Variants in ZNF805 observed in about 807,000 individuals in gnomAD.
ZNF805 encodes the protein CTC-444N24.8.
In ZNF805, 7 loss-of-function variants were observed where a neutral mutation model predicts 13.6. The observed-to-expected ratio is 0.51, with a 90% CI of 0.29 to 0.97. ZNF805 has a LOEUF of 0.97. Among genes scored for constraint, ZNF805 ranks in the 50% least tolerant of loss-of-function variants. ZNF805 has a pLI of 0.08. For synonymous variants in ZNF805, 293 were observed against 279.8 expected, an observed-to-expected ratio of 1.05 and a Z score of -0.47; for missense variants, 604 against 771.0, an observed-to-expected ratio of 0.78 and a Z score of 2.57.
intron 3 of ZNF805, among the ~76,000 whole-genome samples, chr19:57,251,854 C>T (rs996433316): frequency 3.3e-5 from 5 of 152,156 alleles, no homozygotes; most frequent in Admixed American, 2.0e-4. Flanking sequence ...GCTCTAATTC[C>T]TTAGTAGTCT....
At position 57,240,926 on chromosome 19, in the gene ZNF805, G is replaced by C; in HGVS notation, c.30+5G>C. On this transcript the variant is annotated splice_donor_5th_base_variant and intron_variant, in intron 1 of 3. Coordinates refer to ENST00000414468, the MANE Select transcript of ZNF805 (RefSeq NM_001023563.4). The stretch of plus-strand genomic sequence containing the variant: ...GCTTTGACGGACCCGGCGCAGGTGA[G>C]TGGACAAGGTTTCGGCCTTGCTGCT... 1 of 1,559,828 alleles carries C rather than the reference G, an allele frequency of 6.4e-7. No individual in the cohort carries two copies. Among genetic ancestry groups the C allele is most frequent in the Non-Finnish European group, 8.7e-7 (1 of 1,152,238 alleles).
Position 57,254,590 on chromosome 19 carries a change from G to A in ZNF805, c.1771G>A (p.Gly591Arg). The A allele has an allele frequency of 6.2e-7, 1 of 1,614,048 alleles. No homozygotes were observed. Among genetic ancestry groups the A allele is most frequent in the Non-Finnish European group, 8.5e-7 (1 of 1,179,998 alleles). Residue 591 changes from glycine to arginine, a missense_variant, in exon 4 of 4, where the codon GGG (glycine) becomes AGG (arginine). By Grantham distance (125) the Gly-to-Arg change is moderately radical. This residue lies in a region of ZNF805 where 228 missense variants were observed against 352.8 expected (regional missense o/e 0.65). Coordinates refer to ENST00000414468, the MANE Select transcript of ZNF805 (RefSeq NM_001023563.4). ...AGTCAACATCCAAGAACTTTTATTG[G>A]GGAAAAACTTTTTGAATGTCACCAC... ...TSVNIQELLL[G>R]KNFLNVTTEE...
At position 57,258,965 on chromosome 19, in the gene ZNF805, C is replaced by T. The variant is rs2087707107; in HGVS notation, c.*4262C>T. 6.6e-6 allele frequency among the ~76,000 whole-genome samples: 1 copy of T among 152,304 alleles called. No individual in the cohort carries two copies. The highest frequency in any genetic ancestry group is 1.5e-5 in the Non-Finnish European group (1 of 68,022). On this transcript the variant is annotated 3_prime_UTR_variant, in exon 4 of 4. Coordinates refer to ENST00000414468, the MANE Select transcript of ZNF805 (RefSeq NM_001023563.4). ...TTTAGGGTCTGCAGTTCTTTTAGTA[C>T]TTGAGAAACATGTTTGTTCCTTCTG...
rs893425453 is a variant in ZNF805, at chr19:57,254,587, T to C, written c.1768T>C (p.Leu590=). The C allele has an allele frequency of 2.2e-5, 35 of 1,614,036 alleles. No individual in the cohort carries two copies. Among genetic ancestry groups the C allele is most frequent in the Middle Eastern group, 1.6e-4 (1 of 6,084 alleles). The change falls in exon 4 of 4, where the codon TTG becomes CTG. Residue 590 remains leucine, a synonymous_variant. Coordinates refer to ENST00000414468, the MANE Select transcript of ZNF805 (RefSeq NM_001023563.4). ...QTSVNIQELL[L]GKNFLNVTTE... is the part of the protein sequence containing the mutation. ...CTCAGTCAACATCCAAGAACTTTTATTGGGGAAAAACTTTTTGAATGTCAC... is the reference window on the plus strand; with the variant it reads ...CTCAGTCAACATCCAAGAACTTTTACTGGGGAAAAACTTTTTGAATGTCAC...
chr19:57,245,537 TG>T (rs1201656925), intron 2 of ZNF805, among the ~76,000 whole-genome samples: 1 of 151,492 alleles, frequency 6.6e-6, no homozygotes, highest in Non-Finnish European at 1.5e-5. Flanking sequence ...CCCAGCACTT[TG>T]GGAGGCCGAG....
chr19:57,241,407 A>G (rs2087579178), intron 1 of ZNF805, among the ~76,000 whole-genome samples: 1 of 152,040 alleles, frequency 6.6e-6, no homozygotes, highest in Non-Finnish European at 1.5e-5. Context: ...CTAACCAATC[A>G]CATACGATGC....
rs2087700782 is a variant in ZNF805, at chr19:57,258,189, G to A, written c.*3486G>A. The stretch of plus-strand genomic sequence containing the variant: ...AGCTAATTTTTATATTTTTAGTAGA[G>A]ACGGGGTTTCATCATGTTGGTCAGG... On this transcript the variant is annotated 3_prime_UTR_variant, in exon 4 of 4. Transcript: ENST00000414468. Among the ~76,000 whole-genome samples, 3 of 151,268 alleles carry A rather than the reference G, an allele frequency of 2.0e-5. No individual in the cohort carries two copies. The highest frequency in any genetic ancestry group is 7.3e-5 in the African/African-American group (3 of 41,144).
intron 3 of ZNF805, among the ~76,000 whole-genome samples, chr19:57,250,216 C>G (rs1252146967): frequency 6.6e-6 from 1 of 152,198 alleles, no homozygotes; most frequent in Non-Finnish European, 1.5e-5. Context: ...TCTATCACCT[C>G]CATGAGACCT....
chr19:57,256,698 A>G lies in ZNF805; in HGVS notation c.*1995A>G, dbSNP rs4801452. ...TGATATTGGAAATGTATCACTTATT[A>G]TTGTCAGTCTTTGTAGACATATGTC... On this transcript the variant is annotated 3_prime_UTR_variant, in exon 4 of 4. Coordinates refer to ENST00000414468, the MANE Select transcript of ZNF805 (RefSeq NM_001023563.4). Among the ~76,000 whole-genome samples the G allele has an allele frequency of 0.44, 66,480 of 151,904 alleles. 15,774 individuals are homozygous for G. The highest frequency in any genetic ancestry group is 0.53 in the Non-Finnish European group (35,771 of 67,870).
chr19:57,251,884 G>A (rs902114907), intron 3 of ZNF805, among the ~76,000 whole-genome samples: 3 of 152,132 alleles, frequency 2.0e-5, no homozygotes, highest in African/African-American at 4.8e-5. Context: ...GAGGTGCTGT[G>A]CCTCTTTGCC....
At position 57,254,428 on chromosome 19, in the gene ZNF805, A is replaced by AAGCC; in HGVS notation, c.1610_1613dup (p.Tyr539AlafsTer3). The AAGCC allele has an allele frequency of 6.2e-7, 1 of 1,614,236 alleles. No homozygotes were observed. The highest frequency in any genetic ancestry group is 8.5e-7 in the Non-Finnish European group (1 of 1,180,032). On this transcript the variant is annotated frameshift_variant, in exon 4 of 4. Transcript: ENST00000414468. LOFTEE classifies it low-confidence loss of function (END_TRUNC). ...ACACTCTATCATCCACACTGGAGAG[A>AAGCC]AGCCGTATGAGTGCAGTGAATGTGG...
rs925331333 is a variant in ZNF805, at chr19:57,259,344, C to T, written c.*4641C>T. On this transcript the variant is annotated 3_prime_UTR_variant, in exon 4 of 4. Transcript: ENST00000414468. ...TTCATGTTTACCCCCTTTTTCTGGTCTATTTTTCCCTTTTTTTCATATTGG... is the reference window on the plus strand; with the variant it reads ...TTCATGTTTACCCCCTTTTTCTGGTTTATTTTTCCCTTTTTTTCATATTGG... Among the ~76,000 whole-genome samples the T allele has an allele frequency of 6.6e-6, 1 of 151,772 alleles. No individual in the cohort carries two copies. Among genetic ancestry groups the T allele is most frequent in the East Asian group, 1.9e-4 (1 of 5,154 alleles).
intron 2 of ZNF805, among the ~76,000 whole-genome samples, chr19:57,247,535 C>T (rs981685360): frequency 6.6e-6 from 1 of 152,214 alleles, no homozygotes; most frequent in African/African-American, 2.4e-5. Flanking sequence ...TAACCATATT[C>T]GCATCCCAGG....
At chr19:57,242,473 G>A (rs908796336) in intron 1 of ZNF805, among the ~76,000 whole-genome samples, 2 of 152,206 alleles carry the variant, frequency 1.3e-5, no homozygotes, top group African/African-American at 4.8e-5. Context: ...TTGGATGTTC[G>A]TCCTGCCTTC....
chr19:57,245,554 C>A (rs559624457), intron 2 of ZNF805, among the ~76,000 whole-genome samples: 33 of 150,746 alleles, frequency 2.2e-4, no homozygotes, highest in Non-Finnish European at 4.1e-4. Flanking sequence ...CCGAGATGGG[C>A]GGATCACAAG....
At chr19:57,240,944 T>C (rs550158374) in intron 1 of ZNF805, 23 bp downstream of exon 1, 519 of 1,557,602 alleles carry the variant, frequency 3.3e-4, no homozygotes, top group Admixed American at 1.2e-3. Context: ...GGTTTCGGCC[T>C]TGCTGCTTTT....
chr19:57,244,748 GT>G (rs1348037392), intron 2 of ZNF805, among the ~76,000 whole-genome samples: 1 of 152,150 alleles, frequency 6.6e-6, no homozygotes, highest in African/African-American at 2.4e-5. Context: ...ACTCTGTATG[GT>G]TTTTTCTGCC....
Position 57,250,821 on chromosome 19 carries a change from T to C in ZNF805, c.253+2121T>C, listed in dbSNP as rs2087647489. Among the ~76,000 whole-genome samples, 11 of 152,352 alleles carry C rather than the reference T, an allele frequency of 7.2e-5. No individual in the cohort carries two copies. In the South Asian group the frequency reaches 2.3e-3, roughly 32 times the overall value. On this transcript the variant is annotated intron_variant, in intron 3 of 3. Coordinates refer to ENST00000414468, the MANE Select transcript of ZNF805 (RefSeq NM_001023563.4). ...CCTCTCATATCGGTAGCTTCTCTTT[T>C]CCCCTGGTGGAAGAGGTCTTACCCT...
Position 57,253,450 on chromosome 19 carries a change from G to C in ZNF805, c.631G>C (p.Val211Leu). ...NIFKCNECEK[V>L]FNKKRLLARH... is the part of the protein sequence containing the mutation. ...CTTTAAATGCAATGAATGTGAAAAA[G>C]TGTTTAACAAGAAACGCCTGCTTGC... Residue 211 changes from valine (V) to leucine (L), a missense_variant, in exon 4 of 4, where the codon GTG becomes CTG. Val to Leu is a conservative substitution (Grantham distance 32). Coordinates refer to ENST00000414468, the MANE Select transcript of ZNF805 (RefSeq NM_001023563.4). This position sits in a 1 kb window ranked among gnomAD's most constrained non-coding sequence, Gnocchi z 4.4. 6.3e-7 allele frequency: 1 copy of C among 1,577,392 alleles called. No individual in the cohort carries two copies. Among genetic ancestry groups the C allele is most frequent in the East Asian group, 2.3e-5 (1 of 42,922 alleles).
Sources: gnomAD v4.1 joint callset for allele counts (sites outside exome capture counted in the v4.1 genomes callset) on GRCh38, gnomAD v4.1.1 for gene constraint, gnomAD v4.1.1 regional missense constraint, Gnocchi (gnomAD v3.1) non-coding constraint, MANE v1.5 for transcripts, NCBI Gene and HGNC (gene_info 2026-07-23, HGNC 2026-07-21) for gene names.